The following TMEM163 variants were observed in gnomAD, a reference collection of about 807,000 sequenced individuals.
TMEM163 encodes the protein transmembrane protein 163.
Under a neutral mutation model 29.3 loss-of-function variants are expected in TMEM163, and 17 were observed. That is an observed-to-expected ratio of 0.58 (90% CI 0.40 to 0.87). The LOEUF (loss-of-function observed/expected upper bound fraction) is 0.87, where lower values mean the gene tolerates loss of function less well. Among genes scored for constraint, TMEM163 ranks in the 40% least tolerant of loss-of-function variants. The probability of loss-of-function intolerance (pLI) is 0.00; values close to 1 mark genes in which losing one functional copy is unlikely to be tolerated. For missense variants in TMEM163, 303 were observed against 381.5 expected (o/e 0.79, Z 1.71); for synonymous variants, 157 against 160.6 (o/e 0.98, Z 0.17).
chr2:134,504,623 G>T (rs911328695), intron 4 of TMEM163, among the ~76,000 whole-genome samples: 13 of 152,200 alleles, frequency 8.5e-5, no homozygotes, highest in Non-Finnish European at 1.8e-4. Flanking sequence ...ACCTCTAGGA[G>T]CATACAGTTC....
intron 2 of TMEM163, among the ~76,000 whole-genome samples, chr2:134,599,992 C>T (rs1337953561): frequency 1.3e-5 from 2 of 152,080 alleles, no homozygotes; most frequent in Non-Finnish European, 2.9e-5. Context: ...GAAAGTGTTA[C>T]CTAATCAATT....
intron 2 of TMEM163, among the ~76,000 whole-genome samples, chr2:134,611,084 C>T (rs1331531333): frequency 6.6e-6 from 1 of 151,978 alleles, no homozygotes; most frequent in East Asian, 1.9e-4. Flanking sequence ...AAAAACCAAA[C>T]AAATAAAAAT....
intron 5 of TMEM163, among the ~76,000 whole-genome samples, chr2:134,502,609 T>C (rs993143515): frequency 6.6e-6 from 1 of 152,176 alleles, no homozygotes; most frequent in Non-Finnish European, 1.5e-5. Context: ...TTCACAAAAA[T>C]AACCCAATTT....
chr2:134,570,641 C>T lies in TMEM163; in HGVS notation c.323-18550G>A, dbSNP rs77435787. 9.6e-4 allele frequency among the ~76,000 whole-genome samples: 146 copies of T among 152,222 alleles called. 1 individual carries two copies. The highest frequency in any genetic ancestry group is 3.3e-3 in the African/African-American group (138 of 41,558). On this transcript the variant is annotated intron_variant, in intron 2 of 7. Coordinates refer to ENST00000281924, the MANE Select transcript of TMEM163 (RefSeq NM_030923.5). ...CAGTTGACAGTAATATGATCCTATC[C>T]TGCGTCAGAGGAAAGCAAGTGACCA...
chr2:134,710,185 C>A (rs1046992846), intron 2 of TMEM163, among the ~76,000 whole-genome samples: 7 of 152,172 alleles, frequency 4.6e-5, no homozygotes, highest in Admixed American at 2.0e-4. Flanking sequence ...GTGTCAAAAG[C>A]GCGTCCTTAA....
Position 134,473,040 on chromosome 2 carries a change from A to C in TMEM163, c.556-6815T>G, listed in dbSNP as rs567046322. Among the ~76,000 whole-genome samples the C allele has an allele frequency of 3.7e-4, 56 of 152,344 alleles. No homozygotes were observed. In the South Asian group the frequency reaches 0.011, roughly 30 times the overall value. ...TACAATATATTTTGAAGTGAAATAA[A>C]GTAGAACAACAGTATACTGAAATTA... On this transcript the variant is annotated intron_variant, in intron 5 of 7. Coordinates refer to ENST00000281924, the MANE Select transcript of TMEM163 (RefSeq NM_030923.5).
intron 5 of TMEM163, among the ~76,000 whole-genome samples, chr2:134,500,180 C>T (rs1173190039): frequency 6.6e-6 from 1 of 152,220 alleles, no homozygotes; most frequent in East Asian, 1.9e-4. Context: ...CCTATTTTTG[C>T]TTCAGAACTG....
chr2:134,534,653 C>CT (rs1292822759), intron 4 of TMEM163, among the ~76,000 whole-genome samples: 3 of 152,036 alleles, frequency 2.0e-5, no homozygotes, highest in African/African-American at 7.3e-5. Flanking sequence ...GCTTGGGAGG[C>CT]TGAGGCAGGA....
intron 2 of TMEM163, among the ~76,000 whole-genome samples, chr2:134,700,332 G>C (rs968477272): frequency 3.3e-5 from 5 of 152,022 alleles, no homozygotes; most frequent in Non-Finnish European, 5.9e-5. Flanking sequence ...TCTGCTTTTG[G>C]AATTCTTACT....
chr2:134,679,630 G>C (rs1010326700), intron 2 of TMEM163, among the ~76,000 whole-genome samples: 1 of 152,162 alleles, frequency 6.6e-6, no homozygotes, highest in Admixed American at 6.5e-5. Flanking sequence ...AGGAGCTTTC[G>C]AAGACATTTT....
chr2:134,699,897 A>T (rs1222912021), intron 2 of TMEM163, among the ~76,000 whole-genome samples: 2 of 152,066 alleles, frequency 1.3e-5, no homozygotes, highest in Non-Finnish European at 2.9e-5. Flanking sequence ...TTTGTTTTCA[A>T]ATCTATTTTC....
intron 4 of TMEM163, among the ~76,000 whole-genome samples, chr2:134,508,788 C>T (rs1457944467): frequency 7.0e-6 from 1 of 143,718 alleles, no homozygotes; most frequent in Non-Finnish European, 1.5e-5. Context: ...CTCTCTCCAT[C>T]CATTTCCCAT....
chr2:134,624,080 A>G (rs1028564320), intron 2 of TMEM163, among the ~76,000 whole-genome samples: 1 of 152,304 alleles, frequency 6.6e-6, no homozygotes, highest in Admixed American at 6.5e-5. Context: ...ATGGCAGGCA[A>G]TCCCTGGTCT....
chr2:134,673,811 T>C (rs927381043), intron 2 of TMEM163, among the ~76,000 whole-genome samples: 15 of 152,224 alleles, frequency 9.9e-5, no homozygotes, highest in Non-Finnish European at 2.2e-4. Flanking sequence ...GCCAACACCT[T>C]AACTTTAGCC....
intron 2 of TMEM163, among the ~76,000 whole-genome samples, chr2:134,622,237 C>T (rs908427407): frequency 6.6e-6 from 1 of 152,122 alleles, no homozygotes; most frequent in African/African-American, 2.4e-5. Context: ...AATGGTGATA[C>T]ACAAGTTTAT....
At chr2:134,535,415 G>A (rs1680512649) in intron 4 of TMEM163, among the ~76,000 whole-genome samples, 1 of 152,166 alleles carries the variant, frequency 6.6e-6, no homozygotes, top group African/African-American at 2.4e-5. Context: ...AGAAAGCTAT[G>A]GAAAGAGGAT....
At chr2:134,631,500 G>T (rs565161167) in intron 2 of TMEM163, among the ~76,000 whole-genome samples, 5 of 152,250 alleles carry the variant, frequency 3.3e-5, no homozygotes, top group African/African-American at 1.2e-4. Flanking sequence ...GTCCCCTGGG[G>T]GGTACTGCTG....
chr2:134,456,708 G>A lies in TMEM163; in HGVS notation c.*8C>T. On this transcript the variant is annotated 3_prime_UTR_variant, in exon 8 of 8. Coordinates refer to ENST00000281924, the MANE Select transcript of TMEM163 (RefSeq NM_030923.5). ...ATCTCGATGGTCTCATGCGGATGCTGGCCCCCTTCACTCAAACATCTCGTA... is the reference window on the plus strand; with the variant it reads ...ATCTCGATGGTCTCATGCGGATGCTAGCCCCCTTCACTCAAACATCTCGTA... 1 of 1,613,936 alleles carries A rather than the reference G, an allele frequency of 6.2e-7. No individual in the cohort carries two copies. Among genetic ancestry groups the A allele is most frequent in the South Asian group, 1.1e-5 (1 of 91,026 alleles).
At chr2:134,668,971 A>G (rs1259772800) in intron 2 of TMEM163, among the ~76,000 whole-genome samples, 1 of 151,862 alleles carries the variant, frequency 6.6e-6, no homozygotes, top group Non-Finnish European at 1.5e-5. Flanking sequence ...AGCCTCCAGC[A>G]TGAGCTACAT....
Sources: gnomAD v4.1 joint callset for allele counts (sites outside exome capture counted in the v4.1 genomes callset) on GRCh38, gnomAD v4.1.1 for gene constraint, MANE v1.5 for transcripts, NCBI Gene and HGNC (gene_info 2026-07-23, HGNC 2026-07-21) for gene names.